EEIG1: variants seen among roughly 807,000 people sequenced by gnomAD.
The protein encoded by EEIG1 is early estrogen-induced gene 1 protein.
chr9:127,945,293 G>T, the EEIG1 span: 1 of 1,223,096 alleles, frequency 8.2e-7, no homozygotes, highest in Non-Finnish European at 1.1e-6. This position sits in a 1 kb window ranked among gnomAD's most constrained non-coding sequence, Gnocchi z 6.5. Flanking sequence ...CTGTGTTATA[G>T]GTAAAGAAGC....
chr9:127,963,417 G>T, the EEIG1 span, among the ~76,000 whole-genome samples: 2 of 152,246 alleles, frequency 1.3e-5, no homozygotes, highest in African/African-American at 4.8e-5. Flanking sequence ...GCTCCCCGCT[G>T]CCAGGAACAG....
the EEIG1 span, chr9:127,950,802 G>T: frequency 1.2e-6 from 1 of 832,670 alleles, no homozygotes; most frequent in Non-Finnish European, 1.6e-6. Flanking sequence ...GTGCACCGGG[G>T]CCAGTGCGCC....
chr9:127,959,740 A>G, the EEIG1 span, among the ~76,000 whole-genome samples: 3 of 152,248 alleles, frequency 2.0e-5, no homozygotes, highest in Middle Eastern at 3.4e-3. Flanking sequence ...CCATGATTTT[A>G]AGTTTCCTGA....
chr9:127,966,320 C>T, the EEIG1 span, among the ~76,000 whole-genome samples: 4 of 152,054 alleles, frequency 2.6e-5, no homozygotes, highest in African/African-American at 9.7e-5. Context: ...AGGGAAACCC[C>T]ACACAAGCTG....
At chr9:127,969,316 A>G in the EEIG1 span, among the ~76,000 whole-genome samples, 1 of 152,162 alleles carries the variant, frequency 6.6e-6, no homozygotes, top group South Asian at 2.1e-4. Context: ...TTCTAATCAC[A>G]AATGTTTGCT....
chr9:127,956,096 T>A, the EEIG1 span, among the ~76,000 whole-genome samples: 1 of 152,090 alleles, frequency 6.6e-6, no homozygotes, highest in African/African-American at 2.4e-5. Context: ...AAGGGACAGA[T>A]CTAATCCCTA....
At chr9:127,962,802 G>A in the EEIG1 span, among the ~76,000 whole-genome samples, 1 of 152,168 alleles carries the variant, frequency 6.6e-6, no homozygotes, top group Non-Finnish European at 1.5e-5. Flanking sequence ...GCTAAGACAG[G>A]AGACTCACTT....
At chr9:127,951,827 A>AAAAAG in the EEIG1 span, among the ~76,000 whole-genome samples, 5 of 151,052 alleles carry the variant, frequency 3.3e-5, no homozygotes, top group African/African-American at 1.2e-4. Flanking sequence ...AAAAAAAAAA[A>AAAAAG]AAAAGAAAAG....
At chr9:127,960,457 G>A in the EEIG1 span, among the ~76,000 whole-genome samples, 1 of 152,166 alleles carries the variant, frequency 6.6e-6, no homozygotes, top group African/African-American at 2.4e-5. Context: ...CAGAGGCTGA[G>A]AACAGCCACA....
the EEIG1 span, among the ~76,000 whole-genome samples, chr9:127,957,745 T>C: frequency 6.6e-6 from 1 of 152,236 alleles, no homozygotes; most frequent in East Asian, 1.9e-4. Flanking sequence ...GTCCTAGCAT[T>C]AGGACAGACA....
chr9:127,961,430 G>A, the EEIG1 span, among the ~76,000 whole-genome samples: 1 of 152,238 alleles, frequency 6.6e-6, no homozygotes, highest in African/African-American at 2.4e-5. Context: ...CAGGTTGGGA[G>A]CTGGCCAGGT....
the EEIG1 span, chr9:127,953,912 C>G: frequency 6.2e-7 from 1 of 1,613,750 alleles, no homozygotes; most frequent in African/African-American, 1.3e-5. Context: ...ACACAGTTCT[C>G]CTGTACCTCC....
At chr9:127,979,701 C>CAAAT in the EEIG1 span, among the ~76,000 whole-genome samples, 8 of 152,322 alleles carry the variant, frequency 5.3e-5, no homozygotes, top group Non-Finnish European at 1.0e-4. Flanking sequence ...GCTCAGGGTA[C>CAAAT]AAATCCCTGA....
the EEIG1 span, chr9:127,953,120 A>G: frequency 6.0e-6 from 1 of 166,262 alleles, no homozygotes; most frequent in Admixed American, 5.6e-5. Flanking sequence ...ACAGAGCAAG[A>G]CTCTGTCTCC....
At chr9:127,950,394 G>A in the EEIG1 span, 1 of 1,610,712 alleles carries the variant, frequency 6.2e-7, no homozygotes, top group Non-Finnish European at 8.5e-7. Context: ...CCGTGGTCAG[G>A]GTGGCAGAGG....
chr9:127,950,173 A>G, the EEIG1 span, among the ~76,000 whole-genome samples: 1 of 152,228 alleles, frequency 6.6e-6, no homozygotes, highest in Admixed American at 6.5e-5. Context: ...AACCCACTGC[A>G]GGTGCTTGCC....
At chr9:127,948,513 G>A in the EEIG1 span, 12 of 1,138,322 alleles carry the variant, frequency 1.1e-5, no homozygotes, top group South Asian at 2.6e-5. Context: ...AGAAGGGCTT[G>A]GATTCCAATC....
the EEIG1 span, among the ~76,000 whole-genome samples, chr9:127,970,370 C>T: frequency 1.3e-5 from 2 of 152,276 alleles, no homozygotes; most frequent in East Asian, 1.9e-4. Flanking sequence ...CCTCCTGCCT[C>T]GGCCTCCCAA....
the EEIG1 span, chr9:127,940,949 C>A: frequency 6.6e-6 from 1 of 152,100 alleles, no homozygotes; most frequent in Non-Finnish European, 1.5e-5. Flanking sequence ...AGATTCCAAA[C>A]TGACATTGCA....
Sources: gnomAD v4.1 joint callset for allele counts (sites outside exome capture counted in the v4.1 genomes callset) on GRCh38, gnomAD v4.1.1 for gene constraint, Gnocchi (gnomAD v3.1) non-coding constraint, MANE v1.5 for transcripts, NCBI Gene and HGNC (gene_info 2026-07-23, HGNC 2026-07-21) for gene names.